Variants in DTNBP1 observed in about 807,000 individuals in gnomAD.
DTNBP1 encodes the protein dystrobrevin binding protein 1.
DTNBP1 carries 35 observed loss-of-function variants against 42.8 expected under a neutral mutation model. That is an observed-to-expected ratio of 0.82 (90% CI 0.63 to 1.09). The LOEUF (loss-of-function observed/expected upper bound fraction) is 1.09, where lower values mean the gene tolerates loss of function less well. Ranked by LOEUF, DTNBP1 falls within the 50% of genes least tolerant of loss-of-function variation. DTNBP1 has a pLI of 0.00. For missense variants in DTNBP1, 457 were observed against 424.2 expected (o/e 1.08, Z -0.68); for synonymous variants, 171 against 162.2 (o/e 1.05, Z -0.41).
chr6:15,596,584 A>G (rs1776524167), intron 6 of DTNBP1, among the ~76,000 whole-genome samples: 1 of 152,052 alleles, frequency 6.6e-6, no homozygotes, highest in Admixed American at 6.6e-5. Context: ...TATTGTCTCC[A>G]TCCCTTCCAG....
Position 15,614,233 on chromosome 6 carries a change from T to C in DTNBP1, c.488+1034A>G, listed in dbSNP as rs529306069. On this transcript the variant is annotated intron_variant, in intron 6 of 9. Coordinates refer to ENST00000344537, the MANE Select transcript of DTNBP1 (RefSeq NM_032122.5). ...CCACCTCACCTATGTATTAGCTTCA[T>C]TGGGGGTAGGGGGGTGGTGGTATAT... 3.3e-5 allele frequency among the ~76,000 whole-genome samples: 5 copies of C among 152,168 alleles called. No homozygotes were observed. The East Asian group carries it at 5.8e-4, about 18-fold the overall frequency.
rs190517545 is a variant in DTNBP1 at position 15,546,012 on chromosome 6, C to T, written c.512-12617G>A. On this transcript the variant is annotated intron_variant, in intron 7 of 9. Coordinates refer to ENST00000344537, the MANE Select transcript of DTNBP1 (RefSeq NM_032122.5). ...ACCCTGGAGGCCTCAGATTTCCCAT[C>T]GCCAGGAGGGTGGAGCTGGCTGAAT... The T allele has an allele frequency of 1.7e-4, 75 of 449,112 alleles. 1 individual carries two copies. Among genetic ancestry groups the T allele is most frequent in the African/African-American group, 1.1e-3 (54 of 48,992 alleles). The allele number at this position is 449,112 out of a possible 1,614,324, so 27.8% of individuals were successfully genotyped here. A position where few individuals can be genotyped will look rare whatever the true frequency, so the allele number is the denominator to read the frequency against.
intron 7 of DTNBP1, 77 bp from the exon 8 acceptor site, chr6:15,533,472 T>C: frequency 6.2e-7 from 1 of 1,610,108 alleles, no homozygotes; most frequent in Non-Finnish European, 8.5e-7. Context: ...GCTGCTCGCA[T>C]CCACCCTCCA....
chr6:15,527,919 C>A (rs1772522020), intron 8 of DTNBP1, among the ~76,000 whole-genome samples: 1 of 152,080 alleles, frequency 6.6e-6, no homozygotes, highest in Non-Finnish European at 1.5e-5. Flanking sequence ...ATCTCTATAA[C>A]TATCAGAAAA....
At chr6:15,585,811 A>C in intron 7 of DTNBP1, 1 of 1,511,414 alleles carries the variant, frequency 6.6e-7, no homozygotes. Context: ...GGTCAAGTGA[A>C]GCCTCCAGTT....
At chr6:15,648,558 A>G (rs1054228466) in intron 3 of DTNBP1, among the ~76,000 whole-genome samples, 3 of 152,080 alleles carry the variant, frequency 2.0e-5, no homozygotes, top group African/African-American at 7.2e-5. Context: ...TATGATATTA[A>G]ATCAACACAC....
chr6:15,655,165 A>C (rs1179856497), intron 1 of DTNBP1, among the ~76,000 whole-genome samples: 1 of 152,136 alleles, frequency 6.6e-6, no homozygotes, highest in African/African-American at 2.4e-5. Context: ...TGTGTCACCC[A>C]GACTGGAGTG....
chr6:15,592,214 C>T (rs768742203), intron 7 of DTNBP1, among the ~76,000 whole-genome samples: 3 of 152,058 alleles, frequency 2.0e-5, no homozygotes, highest in Non-Finnish European at 4.4e-5. Context: ...TTTAACCATT[C>T]GGTAAATCTA....
chr6:15,598,131 T>C (rs957058108), intron 6 of DTNBP1, among the ~76,000 whole-genome samples: 1 of 152,206 alleles, frequency 6.6e-6, no homozygotes, highest in African/African-American at 2.4e-5. Flanking sequence ...ACTGCTATTA[T>C]TTAATCATTT....
chr6:15,581,154 G>C (rs183059538), intron 7 of DTNBP1, among the ~76,000 whole-genome samples: 1 of 152,292 alleles, frequency 6.6e-6, no homozygotes, highest in Admixed American at 6.5e-5. Flanking sequence ...GAAAGAAGTA[G>C]AAAAGGGGAG....
intron 7 of DTNBP1, among the ~76,000 whole-genome samples, chr6:15,554,913 G>C (rs1774423731): frequency 6.6e-6 from 1 of 152,066 alleles, no homozygotes; most frequent in Non-Finnish European, 1.5e-5. Flanking sequence ...GGTCAGTTAT[G>C]CGAAAACCGC....
intron 7 of DTNBP1, among the ~76,000 whole-genome samples, chr6:15,555,996 T>C (rs1774494030): frequency 6.6e-6 from 1 of 152,080 alleles, no homozygotes; most frequent in African/African-American, 2.4e-5. Context: ...CAGCACTAAT[T>C]GGCCAACTTT....
chr6:15,523,755 A>G (rs1472830121), intron 9 of DTNBP1: 2 of 1,287,126 alleles, frequency 1.6e-6, no homozygotes, highest in East Asian at 1.1e-4. Context: ...GGTCTCCAGT[A>G]TTCTGGCCTT....
chr6:15,642,292 A>G (rs538151004), intron 3 of DTNBP1, among the ~76,000 whole-genome samples: 58 of 152,246 alleles, frequency 3.8e-4, no homozygotes, highest in African/African-American at 1.3e-3. Context: ...ATCTTTATGA[A>G]ATGAAGGTTG....
intron 7 of DTNBP1, among the ~76,000 whole-genome samples, chr6:15,567,057 A>T (rs1775125168): frequency 6.6e-6 from 1 of 152,190 alleles, no homozygotes; most frequent in Admixed American, 6.5e-5. Flanking sequence ...TGAAGAGTTT[A>T]ACTGAGAGTA....
At chr6:15,533,453 G>A in intron 7 of DTNBP1, 58 bp from the exon 8 acceptor site, 1 of 1,613,480 alleles carries the variant, frequency 6.2e-7, no homozygotes, top group Non-Finnish European at 8.5e-7. Context: ...GAGGAAATGG[G>A]TATAAACAGC....
intron 7 of DTNBP1, among the ~76,000 whole-genome samples, chr6:15,546,347 G>A (rs543764638): frequency 6.6e-6 from 1 of 151,982 alleles, no homozygotes; most frequent in Non-Finnish European, 1.5e-5. Context: ...TTACAGGTGT[G>A]AGCCACCGCG....
intron 7 of DTNBP1, among the ~76,000 whole-genome samples, chr6:15,568,189 T>C (rs1370665776): frequency 6.6e-6 from 1 of 152,200 alleles, no homozygotes; most frequent in Admixed American, 6.5e-5. Flanking sequence ...AATAAAGGAA[T>C]GTTCCTATCC....
chr6:15,607,262 C>T (rs1465420496), intron 6 of DTNBP1, among the ~76,000 whole-genome samples: 4 of 151,676 alleles, frequency 2.6e-5, no homozygotes, highest in African/African-American at 9.7e-5. Flanking sequence ...CTGCCGCTTT[C>T]GGCTGGGATT....
Sources: gnomAD v4.1 joint callset for allele counts (sites outside exome capture counted in the v4.1 genomes callset) on GRCh38, gnomAD v4.1.1 for gene constraint, MANE v1.5 for transcripts, NCBI Gene and HGNC (gene_info 2026-07-23, HGNC 2026-07-21) for gene names.